The following UBE2K variants were observed in gnomAD, a reference collection of about 807,000 sequenced individuals.
UBE2K encodes the protein ubiquitin-conjugating enzyme E2 K.
A neutral mutation model predicts 30.0 loss-of-function variants in UBE2K; 6 were observed. The ratio of observed to expected loss-of-function variants is 0.20; its 90% CI spans 0.11 to 0.39. The LOEUF (loss-of-function observed/expected upper bound fraction) is 0.39. Among genes scored for constraint, UBE2K ranks in the 10% least tolerant of loss-of-function variants. The pLI is 1.00. For missense variants in UBE2K, 61 were observed against 241.6 expected (o/e 0.25, Z 4.96); for synonymous variants, 86 against 83.7 (o/e 1.03, Z -0.15).
At position 39,762,184 on chromosome 4, in the gene UBE2K, AAAT is replaced by A. The variant is rs138206643; in HGVS notation, c.299+6469_299+6471del. Reference sequence around the variant, plus strand: ...ACAGAGCGAGACTCCCATCTCAGTAAAATAATAATAATAATAATAATAATAAAT... The same window carrying A: ...ACAGAGCGAGACTCCCATCTCAGTAAAATAATAATAATAATAATAATAAAT... On this transcript the variant is annotated intron_variant, in intron 4 of 6. Coordinates refer to ENST00000261427, the MANE Select transcript of UBE2K (RefSeq NM_005339.5). Among the ~76,000 whole-genome samples the A allele has an allele frequency of 9.4e-4, 135 of 143,866 alleles. 1 individual carries two copies. The highest frequency in any genetic ancestry group is 1.2e-3 in the East Asian group (6 of 4,944). 94.4% of individuals were successfully genotyped at this position (143,866 alleles called of 152,430 possible).
In UBE2K at chr4:39,717,938, A is replaced by G. The variant is rs185484726; in HGVS notation, c.64-19482A>G. On this transcript the variant is annotated intron_variant, in intron 1 of 6. Coordinates refer to ENST00000261427, the MANE Select transcript of UBE2K (RefSeq NM_005339.5). ...GTGGGTTCGTGGTTTCGCTGGCTTC[A>G]GGAGTGAAGCTGCAGACCTTTGCGG... 4.9e-4 allele frequency among the ~76,000 whole-genome samples: 73 copies of G among 147,618 alleles called. No individual in the cohort carries two copies. In the East Asian group the frequency reaches 0.013, roughly 27 times the overall value.
intron 1 of UBE2K, among the ~76,000 whole-genome samples, chr4:39,721,181 C>T: frequency 6.6e-6 from 1 of 152,040 alleles, no homozygotes; most frequent in East Asian, 1.9e-4. Context: ...CACAGTACTC[C>T]TCAATTAAAA....
chr4:39,766,993 C>A (rs985494038), intron 4 of UBE2K, among the ~76,000 whole-genome samples: 4 of 152,144 alleles, frequency 2.6e-5, no homozygotes, highest in Non-Finnish European at 4.4e-5. Flanking sequence ...TCAGGTGATC[C>A]ACCTGCCTCA....
At chr4:39,749,401 G>A (rs569574688) in intron 3 of UBE2K, among the ~76,000 whole-genome samples, 1 of 152,090 alleles carries the variant, frequency 6.6e-6, no homozygotes, top group Admixed American at 6.6e-5. Context: ...TGGTTTGCTC[G>A]CCTGTAATCC....
intron 2 of UBE2K, among the ~76,000 whole-genome samples, chr4:39,740,915 G>T (rs973973642): frequency 6.6e-6 from 1 of 151,494 alleles, no homozygotes; most frequent in Non-Finnish European, 1.5e-5. Context: ...AACAAGTTTG[G>T]TCATTTTTTT....
intron 5 of UBE2K, 80 bp from the exon 6 acceptor site, chr4:39,777,602 G>A: frequency 2.4e-6 from 3 of 1,262,298 alleles, no homozygotes; most frequent in Non-Finnish European, 1.1e-6. Context: ...GGAAAAGTAG[G>A]ATTGTAGGCG....
Position 39,770,108 on chromosome 4 carries a change from C to T in UBE2K, c.300-4726C>T. On this transcript the variant is annotated intron_variant, in intron 4 of 6. Coordinates refer to ENST00000261427, the MANE Select transcript of UBE2K (RefSeq NM_005339.5). Reference sequence around the variant, plus strand: ...AGCGGATGAGGACATTAATCTCGGCCACACTGGTCTCCAGCACGTTCTCGG... The same window carrying T: ...AGCGGATGAGGACATTAATCTCGGCTACACTGGTCTCCAGCACGTTCTCGG... 21 of 1,577,266 alleles carry T rather than the reference C, an allele frequency of 1.3e-5. 1 individual carries two copies. In the South Asian group the frequency reaches 1.5e-4, roughly 11 times the overall value.
chr4:39,708,386 T>A (rs1718494961), intron 1 of UBE2K, among the ~76,000 whole-genome samples: 1 of 152,022 alleles, frequency 6.6e-6, no homozygotes, highest in South Asian at 2.1e-4. Flanking sequence ...TGGTTACCTT[T>A]TGGGGAGGAA....
At chr4:39,732,557 GT>G (rs958724155) in intron 1 of UBE2K, among the ~76,000 whole-genome samples, 7 of 140,786 alleles carry the variant, frequency 5.0e-5, no homozygotes, top group South Asian at 2.1e-4. Flanking sequence ...TGACAATAAT[GT>G]TTTTTTTATC....
At chr4:39,747,365 G>A (rs930084116) in intron 3 of UBE2K, among the ~76,000 whole-genome samples, 10 of 152,048 alleles carry the variant, frequency 6.6e-5, no homozygotes, top group South Asian at 2.1e-4. Flanking sequence ...ATTATTCCCC[G>A]CTCCCAGCTT....
At chr4:39,737,222 A>G (rs528571023) in intron 1 of UBE2K, among the ~76,000 whole-genome samples, 198 bp from the exon 2 acceptor site, 1 of 152,310 alleles carries the variant, frequency 6.6e-6, no homozygotes, top group Non-Finnish European at 1.5e-5. Context: ...TTCGTTTAAA[A>G]CAATGAAGTT....
intron 1 of UBE2K, among the ~76,000 whole-genome samples, chr4:39,703,738 T>C (rs1020937295): frequency 6.6e-6 from 1 of 151,112 alleles, no homozygotes; most frequent in Non-Finnish European, 1.5e-5. Context: ...TCCCAGCTAC[T>C]TGGGAGGCTG....
chr4:39,764,842 T>C (rs891392008), intron 4 of UBE2K, among the ~76,000 whole-genome samples: 1 of 151,880 alleles, frequency 6.6e-6, no homozygotes, highest in African/African-American at 2.4e-5. Context: ...ATAGAGGAAA[T>C]AGACAGTATT....
At chr4:39,699,308 A>G (rs1281244712) in intron 1 of UBE2K, among the ~76,000 whole-genome samples, 1 of 151,370 alleles carries the variant, frequency 6.6e-6, no homozygotes, top group Non-Finnish European at 1.5e-5. Flanking sequence ...AGTTAACTTG[A>G]TTCTTACTTT....
intron 2 of UBE2K, among the ~76,000 whole-genome samples, chr4:39,743,919 G>C (rs958970314): frequency 1.4e-4 from 21 of 152,162 alleles, no homozygotes; most frequent in Non-Finnish European, 2.9e-4. Flanking sequence ...CTGGAGTGCA[G>C]TGGTGCGAAC....
intron 2 of UBE2K, among the ~76,000 whole-genome samples, chr4:39,741,359 G>GGT (rs1304017728): frequency 1.3e-5 from 2 of 152,110 alleles, no homozygotes; most frequent in Non-Finnish European, 2.9e-5. Context: ...ATATATTTGA[G>GGT]GTAGAGTAAC....
At chr4:39,740,887 T>C (rs533719214) in intron 2 of UBE2K, among the ~76,000 whole-genome samples, 25 of 148,598 alleles carry the variant, frequency 1.7e-4, no homozygotes, top group African/African-American at 6.2e-4. Context: ...AAAAAAGATA[T>C]ATTCTTTATT....
At chr4:39,747,285 C>T (rs1029484472) in intron 3 of UBE2K, among the ~76,000 whole-genome samples, 10 of 152,046 alleles carry the variant, frequency 6.6e-5, no homozygotes, top group African/African-American at 2.4e-4. Context: ...TAACCTTTAC[C>T]ATTATCTGTC....
intron 4 of UBE2K, among the ~76,000 whole-genome samples, chr4:39,772,244 G>A (rs1462129525): frequency 1.3e-5 from 2 of 151,980 alleles, no homozygotes; most frequent in African/African-American, 4.8e-5. Context: ...TTCAAATCAG[G>A]AACCCAGTTG....
Sources: gnomAD v4.1 joint callset for allele counts (sites outside exome capture counted in the v4.1 genomes callset) on GRCh38, gnomAD v4.1.1 for gene constraint, MANE v1.5 for transcripts, NCBI Gene and HGNC (gene_info 2026-07-23, HGNC 2026-07-21) for gene names.